Variants in FAM24B observed in about 807,000 individuals in gnomAD.
The protein encoded by FAM24B is family with sequence similarity 24 member B.
A neutral mutation model predicts 2.3 loss-of-function variants in FAM24B; 3 were observed. The ratio of observed to expected loss-of-function variants is 1.29; its 90% CI spans 0.59 to 3.32. The LOEUF (loss-of-function observed/expected upper bound fraction) is 3.32. Ranked by LOEUF, FAM24B falls within the 30% of genes most tolerant of loss-of-function variation. The pLI is 0.03. For missense variants in FAM24B, 98 were observed against 117.2 expected, an observed-to-expected ratio of 0.84 and a Z score of 0.76; for synonymous variants, 36 against 46.3, an observed-to-expected ratio of 0.78 and a Z score of 0.90.
At chr10:122,859,496 C>A (rs1285147313) in intron 1 of FAM24B, among the ~76,000 whole-genome samples, 1 of 152,164 alleles carries the variant, frequency 6.6e-6, no homozygotes, top group Admixed American at 6.5e-5. Flanking sequence ...CCTGGAGGAT[C>A]AAAGGCATTC....
In FAM24B at chr10:122,849,185, A is replaced by G. The variant is rs1194816560; in HGVS notation, c.*62T>C. ...ATAAAAACACTAGAACTTGATTTGAATAACAAAACAATCTACTAAGAAGTA... is the reference window on the plus strand; with the variant it reads ...ATAAAAACACTAGAACTTGATTTGAGTAACAAAACAATCTACTAAGAAGTA... On this transcript the variant is annotated 3_prime_UTR_variant, in exon 4 of 4. Transcript: ENST00000368898. 5 of 1,256,092 alleles carry G rather than the reference A, an allele frequency of 4.0e-6. No homozygotes were observed. Among genetic ancestry groups the G allele is most frequent in the Non-Finnish European group, 5.4e-6 (5 of 929,728 alleles). 77.8% of individuals were successfully genotyped at this position (1,256,092 alleles called of 1,614,324 possible).
chr10:122,852,863 T>A (rs1321666851), intron 2 of FAM24B, among the ~76,000 whole-genome samples: 1 of 152,214 alleles, frequency 6.6e-6, no homozygotes, highest in Non-Finnish European at 1.5e-5. Flanking sequence ...TTGCCTAGAA[T>A]GCAGAAGCTA....
chr10:122,878,576 C>T (rs1848018096), intron 1 of FAM24B, among the ~76,000 whole-genome samples: 1 of 151,772 alleles, frequency 6.6e-6, no homozygotes, highest in Non-Finnish European at 1.5e-5. Context: ...AGTCAGAAAG[C>T]ATCAAGCATC....
At chr10:122,875,923 C>G (rs1311182006) in intron 1 of FAM24B, among the ~76,000 whole-genome samples, 3 of 152,184 alleles carry the variant, frequency 2.0e-5, no homozygotes, top group Non-Finnish European at 4.4e-5. Flanking sequence ...AGCATGCATA[C>G]AACTCCAGTA....
intron 1 of FAM24B, among the ~76,000 whole-genome samples, chr10:122,870,272 G>T (rs1471177687): frequency 1.3e-5 from 2 of 152,070 alleles, no homozygotes; most frequent in African/African-American, 4.8e-5. Context: ...AATAACAGGT[G>T]CTGAAATTGA....
intron 1 of FAM24B, among the ~76,000 whole-genome samples, chr10:122,875,903 G>C (rs1032133257): frequency 2.6e-5 from 4 of 152,172 alleles, no homozygotes; most frequent in Non-Finnish European, 4.4e-5. Flanking sequence ...AGAGAAGAAT[G>C]CTTCAAGTGA....
intron 1 of FAM24B, among the ~76,000 whole-genome samples, chr10:122,871,597 C>T (rs1325438413): frequency 6.6e-5 from 10 of 152,096 alleles, no homozygotes; most frequent in African/African-American, 1.2e-4. Context: ...AGATATAGAC[C>T]GATGGAACAG....
intron 1 of FAM24B, among the ~76,000 whole-genome samples, chr10:122,873,575 G>A (rs1204067042): frequency 1.3e-5 from 2 of 152,216 alleles, no homozygotes; most frequent in African/African-American, 4.8e-5. Flanking sequence ...GGATCAAGGA[G>A]TAATTTCAAC....
chr10:122,866,333 G>C (rs987826234), intron 1 of FAM24B, among the ~76,000 whole-genome samples: 1 of 151,898 alleles, frequency 6.6e-6, no homozygotes, highest in Non-Finnish European at 1.5e-5. Context: ...CAAAGAACCA[G>C]CTTTTGATTT....
intron 1 of FAM24B, among the ~76,000 whole-genome samples, chr10:122,862,364 A>C (rs1847738450): frequency 6.6e-6 from 1 of 152,236 alleles, no homozygotes; most frequent in Non-Finnish European, 1.5e-5. Context: ...TGTTCATTTC[A>C]ATGTTCACAT....
At chr10:122,851,187 CAG>C (rs1847528956) in intron 2 of FAM24B, among the ~76,000 whole-genome samples, 2 of 152,092 alleles carry the variant, frequency 1.3e-5, no homozygotes, top group African/African-American at 4.8e-5. Context: ...AAAAGTGAGT[CAG>C]GGGAGAAGAA....
At chr10:122,861,060 C>T (rs1589671694) in intron 1 of FAM24B, among the ~76,000 whole-genome samples, 2 of 151,998 alleles carry the variant, frequency 1.3e-5, no homozygotes, top group African/African-American at 4.8e-5. Context: ...TCCTTTTATT[C>T]ATTGATTACA....
intron 1 of FAM24B, among the ~76,000 whole-genome samples, chr10:122,862,310 C>A (rs1405262797): frequency 6.6e-6 from 1 of 152,136 alleles, no homozygotes; most frequent in Non-Finnish European, 1.5e-5. Flanking sequence ...GTGTGTCTCT[C>A]CTATTTAGAA....
intron 2 of FAM24B, among the ~76,000 whole-genome samples, chr10:122,854,667 T>TG (rs1398414958): frequency 1.3e-5 from 2 of 152,178 alleles, no homozygotes; most frequent in Non-Finnish European, 2.9e-5. Flanking sequence ...TTAAGAGTAT[T>TG]GAGAGGGATG....
At chr10:122,852,857 C>T (rs1243221216) in intron 2 of FAM24B, among the ~76,000 whole-genome samples, 1 of 152,086 alleles carries the variant, frequency 6.6e-6, no homozygotes, top group African/African-American at 2.4e-5. Context: ...TGGTGTTTGC[C>T]TAGAATGCAG....
rs1046590601 is a variant in FAM24B, at chr10:122,850,597, C to T, written c.-35-47G>A. 15 of 896,028 alleles carry T rather than the reference C, an allele frequency of 1.7e-5. No individual in the cohort carries two copies. In the African/African-American group the frequency reaches 2.4e-4, roughly 15 times the overall value. 55.5% of individuals were successfully genotyped at this position (896,028 alleles called of 1,614,324 possible). ...AGCACTGAGCCCACGTGGTCTCCCTCCCCACACAACCACTAAGCAATGCCA... is the reference window on the plus strand; with the variant it reads ...AGCACTGAGCCCACGTGGTCTCCCTTCCCACACAACCACTAAGCAATGCCA... On this transcript the variant is annotated intron_variant, in intron 2 of 3. Coordinates refer to ENST00000368898, the MANE Select transcript of FAM24B (RefSeq NM_152644.3).
intron 1 of FAM24B, among the ~76,000 whole-genome samples, chr10:122,878,918 A>G (rs1848025400): frequency 2.0e-5 from 3 of 152,004 alleles, no homozygotes; most frequent in African/African-American, 7.3e-5. Context: ...TAAAAAGCCT[A>G]TTTTCCTTTA....
chr10:122,865,682 TA>T (rs1466021523), intron 1 of FAM24B, among the ~76,000 whole-genome samples: 1 of 152,162 alleles, frequency 6.6e-6, no homozygotes, highest in Admixed American at 6.5e-5. Flanking sequence ...TAAAACTGCA[TA>T]AAATTTGTAT....
chr10:122,870,364 G>A (rs1847874214), intron 1 of FAM24B, among the ~76,000 whole-genome samples: 1 of 152,124 alleles, frequency 6.6e-6, no homozygotes, highest in Admixed American at 6.5e-5. Context: ...GGTACAAGGA[G>A]GAGCTGGTAC....
Sources: allele counts gnomAD v4.1 joint callset (sites outside exome capture counted in the v4.1 genomes callset), GRCh38; gene constraint gnomAD v4.1.1; transcripts MANE v1.5; gene names NCBI Gene and HGNC (gene_info 2026-07-23, HGNC 2026-07-21).